Variants in IL1RAPL1 observed in about 807,000 individuals in gnomAD.
The protein encoded by IL1RAPL1 is interleukin-1 receptor accessory protein-like 1.
Under a neutral mutation model 48.4 loss-of-function variants are expected in IL1RAPL1, and 3 were observed. That is an observed-to-expected ratio of 0.06 (90% CI 0.03 to 0.16). The LOEUF is 0.16. IL1RAPL1 is among the 10% of genes least tolerant of loss of function. The probability of loss-of-function intolerance (pLI) is 1.00; values close to 1 mark genes in which losing one functional copy is unlikely to be tolerated. For synonymous variants in IL1RAPL1, 185 were observed against 187.7 expected, an observed-to-expected ratio of 0.99 and a Z score of 0.12; for missense variants, 349 against 530.6, an observed-to-expected ratio of 0.66 and a Z score of 3.36.
Position 28,715,932 on chromosome X carries a change from A to G in IL1RAPL1, c.-24-73388A>G, listed in dbSNP as rs146580916. On this transcript the variant is annotated intron_variant, in intron 1 of 10. Transcript: ENST00000378993. ...GATAACATTGATGCAAAAATCCTCA[A>G]TAAAATACTGGCAAACTGAATCCAG... 5.5e-3 allele frequency among the ~76,000 whole-genome samples: 617 copies of G among 112,172 alleles called. 2 individuals are homozygous for G. The highest frequency in any genetic ancestry group is 0.046 in the Middle Eastern group (10 of 218).
At chrX:29,342,146 G>GTC (rs1226516429) in intron 3 of IL1RAPL1, among the ~76,000 whole-genome samples, 6 of 95,435 alleles carry the variant, frequency 6.3e-5, no homozygotes, top group Non-Finnish European at 1.2e-4. Context: ...GTGTGTGTGT[G>GTC]TGTGTGTGTT....
intron 8 of IL1RAPL1, among the ~76,000 whole-genome samples, chrX:29,923,437 G>C (rs1215215563): frequency 8.9e-6 from 1 of 112,017 alleles, no homozygotes; most frequent in Non-Finnish European, 1.9e-5. Flanking sequence ...AGAATGAAAC[G>C]GCAAGGCCCA....
chrX:29,506,721 T>C (rs984521352), intron 5 of IL1RAPL1, among the ~76,000 whole-genome samples: 1 of 110,163 alleles, frequency 9.1e-6, no homozygotes, highest in African/African-American at 3.3e-5. Flanking sequence ...GTTGTCTTTT[T>C]TTTTTTTGCT....
chrX:29,198,930 C>A (rs112804844), intron 2 of IL1RAPL1, among the ~76,000 whole-genome samples: 9,032 of 111,371 alleles, frequency 0.081, 278 homozygotes, highest in South Asian at 0.19. Context: ...TGTTTTATCA[C>A]TGCAGGATAG....
intron 6 of IL1RAPL1, among the ~76,000 whole-genome samples, chrX:29,827,151 T>TTGTA (rs1930756064): frequency 8.9e-6 from 1 of 112,205 alleles, no homozygotes; most frequent in Non-Finnish European, 1.9e-5. Flanking sequence ...GAATCTGTAT[T>TTGTA]TGTAACAAGC....
At position 29,917,338 on chromosome X, in the gene IL1RAPL1, AATT is replaced by A. The variant is rs1406577672; in HGVS notation, c.779-122_779-120del. 15 of 633,595 alleles carry A rather than the reference AATT, an allele frequency of 2.4e-5. No individual in the cohort carries two copies. The African/African-American group carries it at 2.7e-4, about 11-fold the overall frequency. The allele number at this position is 633,595 out of a possible 1,213,427, so 52.2% of individuals were successfully genotyped here. On this transcript the variant is annotated intron_variant, in intron 6 of 10. Coordinates refer to ENST00000378993, the MANE Select transcript of IL1RAPL1 (RefSeq NM_014271.4). ...TGACAAAGATTGAAAATCCCTGAAA[AATT>A]ATTCTTTTAGAAAGATATTTTATTA...
intron 1 of IL1RAPL1, among the ~76,000 whole-genome samples, chrX:28,775,937 T>A (rs991897022): frequency 1.8e-5 from 2 of 112,252 alleles, no homozygotes; most frequent in African/African-American, 6.5e-5. Flanking sequence ...GTAACTTCTG[T>A]ACTCCATCAC....
intron 1 of IL1RAPL1, among the ~76,000 whole-genome samples, chrX:28,733,587 T>C (rs1287685299): frequency 9.0e-6 from 1 of 111,707 alleles, no homozygotes; most frequent in East Asian, 2.8e-4. Context: ...TTCACTTGTC[T>C]TTCAGAATTG....
chrX:28,944,529 A>T (rs1924245675), intron 2 of IL1RAPL1, among the ~76,000 whole-genome samples: 1 of 110,988 alleles, frequency 9.0e-6, no homozygotes, highest in South Asian at 3.6e-4. Context: ...ATAAAATTTT[A>T]AATTATTTTT....
chrX:28,661,834 G>C (rs1312096900), intron 1 of IL1RAPL1, among the ~76,000 whole-genome samples: 1 of 111,910 alleles, frequency 8.9e-6, no homozygotes, highest in Non-Finnish European at 1.9e-5. Flanking sequence ...TGAGTATGGT[G>C]AGTGGCAATT....
At chrX:29,661,728 C>T (rs781375621) in intron 5 of IL1RAPL1, among the ~76,000 whole-genome samples, 1 of 112,119 alleles carries the variant, frequency 8.9e-6, no homozygotes, top group African/African-American at 3.2e-5. Flanking sequence ...AATGGTACCA[C>T]CATTCATGTG....
At chrX:29,015,344 G>C (rs761346085) in intron 2 of IL1RAPL1, among the ~76,000 whole-genome samples, 6 of 110,546 alleles carry the variant, frequency 5.4e-5, no homozygotes, top group Admixed American at 2.9e-4. Context: ...TAAAACTTTC[G>C]CTCTGAAATT....
At position 29,630,732 on chromosome X, in the gene IL1RAPL1, G is replaced by T. The variant is rs1924749117; in HGVS notation, c.704-37698G>T. 4.5e-5 allele frequency among the ~76,000 whole-genome samples: 5 copies of T among 111,135 alleles called. No homozygotes were observed. In the South Asian group the frequency reaches 1.9e-3, roughly 42 times the overall value. ...TTTTTGTATTTTTAGTAGAGACAGG[G>T]TTTCACCCTGTTAGCCAGGATGGCC... On this transcript the variant is annotated intron_variant, in intron 5 of 10. Coordinates refer to ENST00000378993, the MANE Select transcript of IL1RAPL1 (RefSeq NM_014271.4).
At chrX:29,390,158 T>G (rs1443646797) in intron 3 of IL1RAPL1, among the ~76,000 whole-genome samples, 1 of 112,218 alleles carries the variant, frequency 8.9e-6, no homozygotes, top group East Asian at 2.8e-4. Context: ...TTGACACTTT[T>G]TGATTCCTAA....
chrX:29,514,984 G>A (rs192583308), intron 5 of IL1RAPL1, among the ~76,000 whole-genome samples: 1 of 111,939 alleles, frequency 8.9e-6, no homozygotes, highest in African/African-American at 3.2e-5. Flanking sequence ...CCAGTGTAGT[G>A]GAAGGTGTCA....
intron 5 of IL1RAPL1, among the ~76,000 whole-genome samples, chrX:29,536,073 G>T (rs1430102726): frequency 9.0e-6 from 1 of 111,658 alleles, no homozygotes; most frequent in African/African-American, 3.3e-5. Flanking sequence ...TTTTGATTAT[G>T]CATTGTGCTA....
At chrX:29,451,981 A>T (rs1934685269) in intron 5 of IL1RAPL1, among the ~76,000 whole-genome samples, 1 of 111,865 alleles carries the variant, frequency 8.9e-6, no homozygotes, top group African/African-American at 3.2e-5. Flanking sequence ...ATGTTTTTTT[A>T]AAAAGGAAAA....
intron 1 of IL1RAPL1, among the ~76,000 whole-genome samples, chrX:28,733,893 G>A (rs1935786580): frequency 9.0e-6 from 1 of 111,636 alleles, no homozygotes; most frequent in Admixed American, 9.5e-5. Context: ...AATTTAATAT[G>A]TCCAAAGGCT....
chrX:29,478,646 T>G (rs899090455), intron 5 of IL1RAPL1, among the ~76,000 whole-genome samples: 2 of 111,402 alleles, frequency 1.8e-5, no homozygotes, highest in African/African-American at 6.6e-5. Flanking sequence ...CCCCATCCCC[T>G]TCTTTCAGCC....
Sources: gnomAD v4.1 joint callset for allele counts (sites outside exome capture counted in the v4.1 genomes callset) on GRCh38, gnomAD v4.1.1 for gene constraint, MANE v1.5 for transcripts, NCBI Gene and HGNC (gene_info 2026-07-23, HGNC 2026-07-21) for gene names.